PTPRT: variants seen among roughly 807,000 people sequenced by gnomAD.
PTPRT encodes receptor-type tyrosine-protein phosphatase T.
Under a neutral mutation model 176.8 loss-of-function variants are expected in PTPRT, and 56 were observed. The ratio of observed to expected loss-of-function variants is 0.32; its 90% CI spans 0.26 to 0.40. PTPRT has a LOEUF of 0.40. Among genes scored for constraint, PTPRT ranks in the 10% least tolerant of loss-of-function variants. The probability of loss-of-function intolerance (pLI) is 1.00; values close to 1 mark genes in which losing one functional copy is unlikely to be tolerated. For missense variants in PTPRT, 1,540 were observed against 1,908.2 expected, an observed-to-expected ratio of 0.81 and a Z score of 3.60; for synonymous variants, 783 against 739.0, an observed-to-expected ratio of 1.06 and a Z score of -0.96.
chr20:42,910,766 A>C (rs1260820130), intron 1 of PTPRT, among the ~76,000 whole-genome samples: 1 of 152,212 alleles, frequency 6.6e-6, no homozygotes, highest in East Asian at 1.9e-4. Flanking sequence ...AATGACTTTC[A>C]AAAGAACATT....
chr20:42,865,720 G>A (rs2078734884), intron 2 of PTPRT, among the ~76,000 whole-genome samples: 1 of 152,158 alleles, frequency 6.6e-6, no homozygotes, highest in Non-Finnish European at 1.5e-5. Flanking sequence ...ACAGCAGGTA[G>A]AGGAAGAAAC....
At chr20:42,995,242 C>G (rs1377838621) in intron 1 of PTPRT, among the ~76,000 whole-genome samples, 1 of 152,196 alleles carries the variant, frequency 6.6e-6, no homozygotes, top group Non-Finnish European at 1.5e-5. Flanking sequence ...AGCAGCTTAT[C>G]TGCGTGCTTC....
intron 1 of PTPRT, among the ~76,000 whole-genome samples, chr20:43,037,953 A>C (rs937273323): frequency 6.6e-6 from 1 of 152,170 alleles, no homozygotes; most frequent in Non-Finnish European, 1.5e-5. Context: ...AACCATTCTC[A>C]CATGAACCCT....
intron 3 of PTPRT, among the ~76,000 whole-genome samples, chr20:42,788,297 C>T (rs771246649): frequency 2.0e-5 from 3 of 152,028 alleles, no homozygotes; most frequent in Non-Finnish European, 4.4e-5. Flanking sequence ...GCCTGGCTCA[C>T]GCAGGATGCA....
At chr20:43,107,271 C>G (rs1430565228) in intron 1 of PTPRT, among the ~76,000 whole-genome samples, 1 of 152,174 alleles carries the variant, frequency 6.6e-6, no homozygotes, top group African/African-American at 2.4e-5. Flanking sequence ...GTGTGGCAGA[C>G]AGCTAGTCGG....
At chr20:42,184,541 C>CTCTTCTTCTTCTTCCTCTTCTTCT (rs1990662109) in intron 16 of PTPRT, among the ~76,000 whole-genome samples, 1 of 91,546 alleles carries the variant, frequency 1.1e-5, no homozygotes, top group Non-Finnish European at 2.1e-5. Context: ...CTTCCTCTTC[C>CTCTTCTTCTTCTTCCTCTTCTTCT]TCTTCTTCTT....
At chr20:42,842,412 ATTTATT>A (rs540712724) in intron 2 of PTPRT, among the ~76,000 whole-genome samples, 76 of 152,050 alleles carry the variant, frequency 5.0e-4, no homozygotes, top group African/African-American at 1.6e-3. Context: ...TAGACTGTTT[ATTTATT>A]TTTATTTTTA....
At chr20:43,099,378 A>G (rs1159008368) in intron 1 of PTPRT, among the ~76,000 whole-genome samples, 1 of 152,014 alleles carries the variant, frequency 6.6e-6, no homozygotes, top group Non-Finnish European at 1.5e-5. Flanking sequence ...TAAGGAAGCA[A>G]TTTTCTGAAG....
intron 11 of PTPRT, 129 bp from the exon 12 acceptor site, chr20:42,316,125 C>T: frequency 4.8e-6 from 5 of 1,042,314 alleles, no homozygotes; most frequent in Non-Finnish European, 5.5e-6. Flanking sequence ...AAACTCCAGT[C>T]CTGAGCATCA....
At chr20:42,514,272 G>C (rs2072018761) in intron 7 of PTPRT, among the ~76,000 whole-genome samples, 1 of 152,070 alleles carries the variant, frequency 6.6e-6, no homozygotes, top group Non-Finnish European at 1.5e-5. Flanking sequence ...CCCCATCCTT[G>C]CTCATGTTTG....
chr20:42,573,572 C>T (rs922571918), intron 7 of PTPRT, among the ~76,000 whole-genome samples: 1 of 152,034 alleles, frequency 6.6e-6, no homozygotes, highest in Non-Finnish European at 1.5e-5. Context: ...TGGGTGACTA[C>T]CCCATGATCT....
rs577771087 is a variant in PTPRT, at chr20:42,912,740, C to T, written c.89-26808G>A. Among the ~76,000 whole-genome samples the T allele has an allele frequency of 4.6e-5, 7 of 152,270 alleles. No individual in the cohort carries two copies. In the South Asian group the frequency reaches 1.5e-3, roughly 32 times the overall value. On this transcript the variant is annotated intron_variant, in intron 1 of 30. Coordinates refer to ENST00000373187, the MANE Select transcript of PTPRT (RefSeq NM_007050.6). The stretch of plus-strand genomic sequence containing the variant: ...AGTGTAAGAATCTAACTTTATTTTA[C>T]TTTTTAAAACACTTTCACTATTGTT...
chr20:43,007,519 T>C (rs147752371), intron 1 of PTPRT, among the ~76,000 whole-genome samples: 58 of 152,378 alleles, frequency 3.8e-4, no homozygotes, highest in African/African-American at 1.3e-3. Context: ...GAAACACTAA[T>C]ATTTCTCATT....
chr20:42,071,942 G>C (rs1982358598), downstream of PTPRT, among the ~76,000 whole-genome samples: 1 of 152,194 alleles, frequency 6.6e-6, no homozygotes, highest in Non-Finnish European at 1.5e-5. Flanking sequence ...ACAGGTGTAA[G>C]CCACCATGCC....
intron 2 of PTPRT, among the ~76,000 whole-genome samples, chr20:42,864,035 C>T (rs1226894556): frequency 2.6e-5 from 4 of 152,208 alleles, no homozygotes; most frequent in Admixed American, 2.6e-4. Flanking sequence ...CAGCCCTGTT[C>T]CTGTCCCTTT....
At chr20:42,364,420 G>A (rs955690297) in intron 9 of PTPRT, among the ~76,000 whole-genome samples, 5 of 152,210 alleles carry the variant, frequency 3.3e-5, no homozygotes, top group African/African-American at 9.6e-5. Context: ...CAGCAGAGTA[G>A]CATTTGTAAG....
intron 15 of PTPRT, among the ~76,000 whole-genome samples, chr20:42,227,613 T>G (rs1258033873): frequency 4.9e-5 from 7 of 142,470 alleles, no homozygotes; most frequent in Non-Finnish European, 9.2e-5. Context: ...TTTTTTTTTT[T>G]TTTTTTTTTT....
intron 1 of PTPRT, among the ~76,000 whole-genome samples, chr20:43,067,450 T>C (rs1600687852): frequency 1.3e-5 from 2 of 152,302 alleles, no homozygotes; most frequent in East Asian, 1.9e-4. Flanking sequence ...ATTGCTCACT[T>C]TAAGATGGTT....
intron 1 of PTPRT, among the ~76,000 whole-genome samples, chr20:42,938,283 TA>T (rs1440143998): frequency 6.6e-6 from 1 of 152,132 alleles, no homozygotes; most frequent in Non-Finnish European, 1.5e-5. Context: ...ACAGTTTCCA[TA>T]AAATCAAAAT....
Sources: allele counts gnomAD v4.1 joint callset (sites outside exome capture counted in the v4.1 genomes callset), GRCh38; gene constraint gnomAD v4.1.1; transcripts MANE v1.5; gene names NCBI Gene and HGNC (gene_info 2026-07-23, HGNC 2026-07-21).